The following GALNT13 variants were observed in gnomAD, a reference collection of about 807,000 sequenced individuals.
The protein encoded by GALNT13 is polypeptide N-acetylgalactosaminyltransferase 13, also known as UDP-GalNAc:polypeptide N-acetylgalactosaminyltransferase 13.
A neutral mutation model predicts 64.2 loss-of-function variants in GALNT13; 28 were observed. The observed-to-expected ratio is 0.44, with a 90% CI of 0.32 to 0.60. The LOEUF is 0.60. Ranked by LOEUF, GALNT13 falls within the 20% of genes least tolerant of loss-of-function variation. The probability of loss-of-function intolerance (pLI) is 0.05; values close to 1 mark genes in which losing one functional copy is unlikely to be tolerated. For synonymous variants in GALNT13, 214 were observed against 224.6 expected, an observed-to-expected ratio of 0.95 and a Z score of 0.42; for missense variants, 577 against 669.8, an observed-to-expected ratio of 0.86 and a Z score of 1.53.
At chr2:153,797,227 A>G in the GALNT13 span, among the ~76,000 whole-genome samples, 4 of 152,192 alleles carry the variant, frequency 2.6e-5, no homozygotes, top group Admixed American at 1.3e-4. Context: ...AATTCAGTAA[A>G]AGCATCTAGT....
At chr2:154,013,200 G>T (rs976610308) in intron 3 of GALNT13, among the ~76,000 whole-genome samples, 1 of 151,194 alleles carries the variant, frequency 6.6e-6, no homozygotes, top group African/African-American at 2.4e-5. Context: ...CTTTGAAGTT[G>T]CTGTCCTTTG....
intron 3 of GALNT13, among the ~76,000 whole-genome samples, chr2:154,060,854 A>G (rs1249079767): frequency 6.6e-6 from 1 of 152,068 alleles, no homozygotes; most frequent in Non-Finnish European, 1.5e-5. Context: ...TAGTTCCTAC[A>G]GGTCAGCCTC....
intron 4 of GALNT13, among the ~76,000 whole-genome samples, chr2:154,142,668 A>G (rs1194828226): frequency 6.6e-6 from 1 of 151,770 alleles, no homozygotes. Flanking sequence ...TGTGACAACC[A>G]TTGTATACTT....
the GALNT13 span, among the ~76,000 whole-genome samples, chr2:153,573,560 G>C: frequency 2.3e-3 from 336 of 148,306 alleles, 7 homozygotes; most frequent in East Asian, 0.041. Context: ...TTTCTCTGGT[G>C]ATATGATTTA....
the GALNT13 span, among the ~76,000 whole-genome samples, chr2:153,140,138 C>T: frequency 6.6e-6 from 1 of 152,036 alleles, no homozygotes; most frequent in Non-Finnish European, 1.5e-5. Context: ...GTAAACAATA[C>T]AACCAAAAAC....
At chr2:154,154,960 GTGTGTGTA>G (rs1684316715) in intron 4 of GALNT13, among the ~76,000 whole-genome samples, 2 of 131,580 alleles carry the variant, frequency 1.5e-5, no homozygotes, top group Non-Finnish European at 1.6e-5. Flanking sequence ...GTGTGTGTGT[GTGTGTGTA>G]TAAACATACA....
At chr2:154,265,293 A>G (rs1007295206) in intron 8 of GALNT13, among the ~76,000 whole-genome samples, 4 of 151,998 alleles carry the variant, frequency 2.6e-5, no homozygotes, top group Non-Finnish European at 5.9e-5. Flanking sequence ...AATAAATGAA[A>G]TTTATTCTAA....
chr2:153,274,209 AT>A, the GALNT13 span, among the ~76,000 whole-genome samples: 4 of 152,154 alleles, frequency 2.6e-5, no homozygotes, highest in East Asian at 1.9e-4. Context: ...ATTAAAAAAA[AT>A]AAAAAAAATT....
the GALNT13 span, among the ~76,000 whole-genome samples, chr2:153,807,672 A>G: frequency 6.6e-6 from 1 of 151,644 alleles, no homozygotes; most frequent in Non-Finnish European, 1.5e-5. Context: ...AGTGTTTTGT[A>G]TTCATATCTT....
At chr2:154,202,540 A>G (rs1687228570) in intron 4 of GALNT13, among the ~76,000 whole-genome samples, 1 of 152,078 alleles carries the variant, frequency 6.6e-6, no homozygotes, top group African/African-American at 2.4e-5. Flanking sequence ...TTAAAACAAT[A>G]TAGGAAAATA....
the GALNT13 span, among the ~76,000 whole-genome samples, chr2:153,556,497 C>G: frequency 6.6e-6 from 1 of 152,124 alleles, no homozygotes; most frequent in South Asian, 2.1e-4. Context: ...GATTTCCTTA[C>G]TAATTCTTAG....
chr2:154,269,025 T>C (rs1691177831), intron 8 of GALNT13, among the ~76,000 whole-genome samples: 1 of 152,086 alleles, frequency 6.6e-6, no homozygotes, highest in African/African-American at 2.4e-5. Context: ...AGAATATAGC[T>C]AAGTGAAATG....
intron 3 of GALNT13, among the ~76,000 whole-genome samples, chr2:154,024,540 C>T (rs1238613801): frequency 6.6e-6 from 1 of 152,202 alleles, no homozygotes; most frequent in East Asian, 1.9e-4. Flanking sequence ...TTTTCAGATC[C>T]ATCAGGTCCT....
intron 11 of GALNT13, chr2:154,409,465 T>C: frequency 4.4e-6 from 1 of 226,744 alleles, no homozygotes; most frequent in South Asian, 6.4e-5. Flanking sequence ...CAGATTTTTA[T>C]GTATGTTATG....
At chr2:153,936,061 T>C (rs1363826416) in intron 2 of GALNT13, among the ~76,000 whole-genome samples, 1 of 152,196 alleles carries the variant, frequency 6.6e-6, no homozygotes, top group Non-Finnish European at 1.5e-5. Context: ...ACATAGGCCA[T>C]TGTAGAGGGA....
chr2:153,372,183 G>A, the GALNT13 span, among the ~76,000 whole-genome samples: 1 of 152,032 alleles, frequency 6.6e-6, no homozygotes, highest in African/African-American at 2.4e-5. Flanking sequence ...GGCGGCATGT[G>A]GTTTCGTATT....
chr2:153,303,363 T>C, the GALNT13 span, among the ~76,000 whole-genome samples: 1 of 152,172 alleles, frequency 6.6e-6, no homozygotes, highest in African/African-American at 2.4e-5. Flanking sequence ...ATTGTTAGTG[T>C]AGAGAAATAC....
chr2:153,750,874 T>C, the GALNT13 span, among the ~76,000 whole-genome samples: 1 of 151,952 alleles, frequency 6.6e-6, no homozygotes, highest in East Asian at 1.9e-4. Context: ...TTGCTCTTGC[T>C]TTTATAGTTG....
the GALNT13 span, among the ~76,000 whole-genome samples, chr2:153,440,073 G>A: frequency 6.6e-6 from 1 of 152,058 alleles, no homozygotes; most frequent in South Asian, 2.1e-4. Flanking sequence ...ATCTACATAG[G>A]TATTTCTCCT....
Sources: allele counts gnomAD v4.1 joint callset (sites outside exome capture counted in the v4.1 genomes callset), GRCh38; gene constraint gnomAD v4.1.1; transcripts MANE v1.5; gene names NCBI Gene and HGNC (gene_info 2026-07-23, HGNC 2026-07-21).